Variants in BDP1 observed in about 807,000 individuals in gnomAD.
BDP1 encodes the protein BDP1 general transcription factor IIIB subunit.
Under a neutral mutation model 266.6 loss-of-function variants are expected in BDP1, and 169 were observed. The ratio of observed to expected loss-of-function variants is 0.63; its 90% CI spans 0.56 to 0.72. The LOEUF is 0.72. Ranked by LOEUF, BDP1 falls within the 30% of genes least tolerant of loss-of-function variation. The pLI is 0.00. For missense variants in BDP1, 3,015 were observed against 3,053.8 expected (o/e 0.99, Z 0.30); for synonymous variants, 1,090 against 1,022.4 (o/e 1.07, Z -1.26).
rs1416965097 is a variant in BDP1, at chr5:71,566,961, A to G, written c.*2076A>G. On this transcript the variant is annotated 3_prime_UTR_variant, in exon 39 of 39. Coordinates refer to ENST00000358731, the MANE Select transcript of BDP1 (RefSeq NM_018429.3). ...ATAACAGTAATGCTAATTTATTGAAACTACTGCTGTTAGAGCACTTCTTAT... is the reference window on the plus strand; with the variant it reads ...ATAACAGTAATGCTAATTTATTGAAGCTACTGCTGTTAGAGCACTTCTTAT... 1.3e-5 allele frequency: 2 copies of G among 152,160 alleles called. No homozygotes were observed. Among genetic ancestry groups the G allele is most frequent in the African/African-American group, 4.8e-5 (2 of 41,430 alleles). The allele number at this position is 152,160 out of a possible 1,614,324, so 9.4% of individuals were successfully genotyped here.
At chr5:71,561,323 C>G (rs1285084122) in intron 37 of BDP1, among the ~76,000 whole-genome samples, 1 of 151,428 alleles carries the variant, frequency 6.6e-6, no homozygotes, top group Non-Finnish European at 1.5e-5. Flanking sequence ...ATCGCTTGAA[C>G]CCAGGAGGCG....
At chr5:71,548,234 A>G (rs1408640100) in intron 32 of BDP1, among the ~76,000 whole-genome samples, 1 of 152,142 alleles carries the variant, frequency 6.6e-6, no homozygotes, top group African/African-American at 2.4e-5. Flanking sequence ...GGTTGTGGTG[A>G]GCTGAGAGAT....
At chr5:71,468,315 G>A (rs956282513) in intron 6 of BDP1, among the ~76,000 whole-genome samples, 1 of 151,560 alleles carries the variant, frequency 6.6e-6, no homozygotes, top group Non-Finnish European at 1.5e-5. Flanking sequence ...CACCGCACCT[G>A]GCCTGTGTTT....
chr5:71,478,175 G>A (rs531386109), intron 7 of BDP1, among the ~76,000 whole-genome samples: 6 of 152,186 alleles, frequency 3.9e-5, no homozygotes, highest in East Asian at 3.9e-4. Context: ...GCTTGAACCC[G>A]GGAGGTGGAG....
At chr5:71,486,653 T>G (rs1187424019) in intron 9 of BDP1, 26 bp downstream of exon 9, 1 of 1,484,408 alleles carries the variant, frequency 6.7e-7, no homozygotes, top group East Asian at 2.6e-5. Flanking sequence ...GGAAGTGTGA[T>G]AGTTTACTTA....
At position 71,541,610 on chromosome 5, in the gene BDP1, T is replaced by C; in HGVS notation, c.6179T>C (p.Val2060Ala). The change falls in exon 29 of 39, where the codon GTA becomes GCA. Residue 2060 changes from valine to alanine, a missense_variant. Physicochemically the swap from Val to Ala is moderately conservative, Grantham distance 64. This residue lies in a region of BDP1 where 2,383 missense variants were observed against 2,404.9 expected (regional missense o/e 0.99). Coordinates refer to ENST00000358731, the MANE Select transcript of BDP1 (RefSeq NM_018429.3). ...GCATCATTTGAAGAAAACAAGATTG[T>C]ATTGGAGGAACAAAGTTCCAGAGAA... ...SPASFEENKI[V>A]LEEQSSREEI... The C allele has an allele frequency of 1.2e-6, 2 of 1,612,542 alleles. No homozygotes were observed. Among genetic ancestry groups the C allele is most frequent in the Non-Finnish European group, 1.7e-6 (2 of 1,179,326 alleles).
At chr5:71,522,641 C>A in intron 23 of BDP1, 115 bp from the exon 24 acceptor site, 2 of 1,192,338 alleles carry the variant, frequency 1.7e-6, no homozygotes, top group Non-Finnish European at 2.4e-6. Flanking sequence ...AAAAGATGAG[C>A]AACCAACTGC....
At chr5:71,482,018 A>G (rs1390864341) in intron 7 of BDP1, among the ~76,000 whole-genome samples, 3 of 152,164 alleles carry the variant, frequency 2.0e-5, no homozygotes, top group Non-Finnish European at 4.4e-5. Context: ...TTGGGTATTA[A>G]TGAGGTCTTT....
At chr5:71,504,892 C>T in intron 16 of BDP1, 141 bp downstream of exon 16, 2 of 764,826 alleles carry the variant, frequency 2.6e-6, no homozygotes, top group Non-Finnish European at 4.2e-6. Context: ...TATAACTTCA[C>T]CTTTCAAGAA....
At position 71,467,485 on chromosome 5, in the gene BDP1, A is replaced by G. The variant is rs1199671348; in HGVS notation, c.917A>G (p.Lys306Arg). 2 of 1,588,230 alleles carry G rather than the reference A, an allele frequency of 1.3e-6. No homozygotes were observed. The highest frequency in any genetic ancestry group is 2.2e-5 in the East Asian group (1 of 44,708). ...TATTACTCTAAACCATGGTCAAATA[A>G]AGGTAACTAATTTTCATTTAAAAAT... The part of the protein sequence containing the change: ...KNYYSKPWSN[K>R]ETDMFFLAIS... The change falls in exon 6 of 39, where the codon AAA becomes AGA. Residue 306 changes from lysine to arginine, a missense_variant and splice_region_variant. Physicochemically the swap from Lys to Arg is conservative, Grantham distance 26. Transcript: ENST00000358731.
intron 36 of BDP1, among the ~76,000 whole-genome samples, chr5:71,557,245 G>C (rs1423069540): frequency 6.6e-6 from 1 of 152,052 alleles, no homozygotes; most frequent in Non-Finnish European, 1.5e-5. Context: ...TTCTCACTCT[G>C]TTACCTAGGC....
At chr5:71,552,923 A>G (rs1395163801) in intron 34 of BDP1, among the ~76,000 whole-genome samples, 193 bp from the exon 35 acceptor site, 1 of 152,132 alleles carries the variant, frequency 6.6e-6, no homozygotes, top group Admixed American at 6.5e-5. Context: ...ATGGAGCTCA[A>G]AACTATTAAT....
rs925213132 is a variant in BDP1, at chr5:71,510,879, C to G, written c.3787C>G (p.Pro1263Ala). ...GAAAGAAACTGGAAAAAGAGACATT[C>G]CCATCATGGAGAAAGTATCAGGAAA... ...DLKETGKRDI[P>A]IMEKVSGKMA... Residue 1263 changes from proline (P) to alanine (A), a missense_variant, in exon 17 of 39, where the codon CCC (proline) becomes GCC (alanine). Pro to Ala is a conservative substitution (Grantham distance 27, BLOSUM62 -1). Coordinates refer to ENST00000358731, the MANE Select transcript of BDP1 (RefSeq NM_018429.3). The G allele has an allele frequency of 6.2e-7, 1 of 1,613,528 alleles. No homozygotes were observed. The highest frequency in any genetic ancestry group is 1.3e-5 in the African/African-American group (1 of 74,872).
At position 71,510,091 on chromosome 5, in the gene BDP1, A is replaced by G; in HGVS notation, c.2999A>G (p.Glu1000Gly). ...RKISPRENGPEEVKPVDEMET... is the reference protein window; with the variant it reads ...RKISPRENGPGEVKPVDEMET... ...ATATCCCCAAGGGAAAATGGCCCAG[A>G]GGAGGTCAAGCCTGTAGATGAAATG... The change falls in exon 17 of 39, where the codon GAG becomes GGG. Residue 1000 changes from glutamate (E) to glycine (G), a missense_variant. Glu to Gly is a moderately conservative substitution (Grantham distance 98). Coordinates refer to ENST00000358731, the MANE Select transcript of BDP1 (RefSeq NM_018429.3). The G allele has an allele frequency of 6.2e-7, 1 of 1,614,128 alleles. No individual in the cohort carries two copies. The highest frequency in any genetic ancestry group is 2.2e-5 in the East Asian group (1 of 44,862).
At chr5:71,479,275 T>C (rs992502088) in intron 7 of BDP1, among the ~76,000 whole-genome samples, 19 of 151,822 alleles carry the variant, frequency 1.3e-4, no homozygotes, top group African/African-American at 4.4e-4. Context: ...TCTCCTGACC[T>C]AGTGATCCGC....
Position 71,525,681 on chromosome 5 carries a change from G to A in BDP1, c.5772+1358G>A, listed in dbSNP as rs546938867. On this transcript the variant is annotated intron_variant, in intron 25 of 38. Coordinates refer to ENST00000358731, the MANE Select transcript of BDP1 (RefSeq NM_018429.3). ...TTCCGGACGGGGTGGCTGGCCGGGC[G>A]GGGGGCTGACCCCCCACCTCCCTTC... 2.6e-3 allele frequency among the ~76,000 whole-genome samples: 120 copies of A among 45,574 alleles called. 2 individuals carry two copies. The highest frequency in any genetic ancestry group is 7.5e-3 in the African/African-American group (115 of 15,248). The allele number at this position is 45,574 out of a possible 152,430, so 29.9% of individuals were successfully genotyped here. A position where few individuals can be genotyped will look rare whatever the true frequency, so the allele number is the denominator to read the frequency against.
intron 10 of BDP1, 119 bp downstream of exon 10, chr5:71,489,801 T>C (rs1763480434): frequency 2.5e-6 from 2 of 807,484 alleles, no homozygotes; most frequent in African/African-American, 1.7e-5. Flanking sequence ...TAATTGGTTC[T>C]GTACTAATGG....
At position 71,486,356 on chromosome 5, in the gene BDP1, G is replaced by A. The variant is rs773864976; in HGVS notation, c.1070-128G>A. On this transcript the variant is annotated intron_variant, in intron 8 of 38. Transcript: ENST00000358731. ...TTCTGTTGCTGAGTGGTGTTCTGTT[G>A]TGTATTTGTTTTTCTGTTCTCCTAC... 210 of 695,786 alleles carry A rather than the reference G, an allele frequency of 3.0e-4. 2 individuals are homozygous for A. Among genetic ancestry groups the A allele is most frequent in the Middle Eastern group, 2.9e-3 (7 of 2,442 alleles). 43.1% of individuals were successfully genotyped at this position (695,786 alleles called of 1,614,324 possible).
intron 7 of BDP1, among the ~76,000 whole-genome samples, chr5:71,483,517 A>G (rs1029934017): frequency 1.3e-5 from 2 of 152,188 alleles, no homozygotes; most frequent in African/African-American, 4.8e-5. Flanking sequence ...CGAATACTTA[A>G]TTTTTTAAAA....
Sources: gnomAD v4.1 joint callset for allele counts (sites outside exome capture counted in the v4.1 genomes callset) on GRCh38, gnomAD v4.1.1 for gene constraint, gnomAD v4.1.1 regional missense constraint, MANE v1.5 for transcripts, NCBI Gene and HGNC (gene_info 2026-07-23, HGNC 2026-07-21) for gene names.